The following NFIX variants were observed in gnomAD, a reference collection of about 807,000 sequenced individuals.
NFIX encodes nuclear factor 1 X-type.
In NFIX, 2 loss-of-function variants were observed where a neutral mutation model predicts 53.3. The observed-to-expected ratio is 0.04, with a 90% confidence interval of 0.02 to 0.12. The LOEUF is 0.12. Among genes scored for constraint, NFIX ranks in the 10% least tolerant of loss-of-function variants. NFIX has a pLI of 1.00. For synonymous variants in NFIX, 244 were observed against 289.0 expected (o/e 0.84, Z 1.58); for missense variants, 310 against 674.5 (o/e 0.46, Z 5.99).
At chr19:13,000,568 G>C (rs1221737467) in intron 1 of NFIX, among the ~76,000 whole-genome samples, 3 of 151,932 alleles carry the variant, frequency 2.0e-5, no homozygotes, top group Non-Finnish European at 4.4e-5. Context: ...GTGGGGGGCA[G>C]GAGGGGAGAG....
intron 2 of NFIX, among the ~76,000 whole-genome samples, chr19:13,065,593 C>T (rs966565750): frequency 6.6e-5 from 10 of 152,104 alleles, no homozygotes; most frequent in African/African-American, 2.4e-4. Context: ...CTGGAGTGGC[C>T]ATTGGCAGGT....
chr19:13,024,101 C>G, intron 1 of NFIX: 1 of 672,662 alleles, frequency 1.5e-6, no homozygotes, highest in South Asian at 2.2e-5. Flanking sequence ...AAACTTCAAA[C>G]AAGCAAACAA....
intron 1 of NFIX, among the ~76,000 whole-genome samples, chr19:13,010,261 C>G (rs2012262687): frequency 6.6e-6 from 1 of 152,194 alleles, no homozygotes; most frequent in Non-Finnish European, 1.5e-5. Context: ...TGGGTCCGGA[C>G]GGCGGCCCTC....
chr19:13,094,501 TG>T lies in NFIX; in HGVS notation c.1495-131del. 1 of 783,312 alleles carries T rather than the reference TG, an allele frequency of 1.3e-6. No individual in the cohort carries two copies. The allele number at this position is 783,312 out of a possible 1,614,324, so 48.5% of individuals were successfully genotyped here. A position where few individuals can be genotyped will look rare whatever the true frequency, so the allele number is the denominator to read the frequency against. The stretch of plus-strand genomic sequence containing the variant: ...CCCTTTCTTCTCCATGGGAACAAGG[TG>T]GGTGGTGGCTGCCCGGCACCCTGGC... On this transcript the variant is annotated intron_variant, in intron 10 of 10. Coordinates refer to ENST00000592199, the MANE Select transcript of NFIX (RefSeq NM_001365902.3). The surrounding 1 kb of genome is among the most constrained non-coding windows in gnomAD (Gnocchi z 4.3).
At chr19:13,017,207 G>A (rs960551296) in intron 1 of NFIX, among the ~76,000 whole-genome samples, 1 of 152,116 alleles carries the variant, frequency 6.6e-6, no homozygotes, top group African/African-American at 2.4e-5. Flanking sequence ...GGGACGGAGC[G>A]TGGCCGAGGG....
Position 13,047,216 on chromosome 19 carries a change from ATTC to A in NFIX, c.559+21667_559+21669del, listed in dbSNP as rs1309963652. Among the ~76,000 whole-genome samples the A allele has an allele frequency of 2.6e-5, 4 of 151,008 alleles. No individual in the cohort carries two copies. In the East Asian group the frequency reaches 7.8e-4, roughly 29 times the overall value. On this transcript the variant is annotated intron_variant, in intron 2 of 10. Transcript: ENST00000592199. ...GGTTCCTCTGCAAGACCACTCCCTT[ATTC>A]TTTTTTCTTTCTTTCTTTCTTTTTT...
rs57004342 is a variant in NFIX at position 13,040,398 on chromosome 19, G to T, written c.559+14846G>T. ...GTCTGCGGAGCAGCCAAACTCACTC[G>T]TGACAGGGTCTCTTCCCGTGCCAGA... On this transcript the variant is annotated intron_variant, in intron 2 of 10. Transcript: ENST00000592199. The surrounding 1 kb of genome is among the most constrained non-coding windows in gnomAD (Gnocchi z 4.2). 0.048 allele frequency among the ~76,000 whole-genome samples: 7,301 copies of T among 152,324 alleles called. 562 individuals are homozygous for T. Among genetic ancestry groups the T allele is most frequent in the African/African-American group, 0.16 (6,566 of 41,554 alleles).
Position 13,073,814 on chromosome 19 carries a change from C to T in NFIX, c.698-92C>T. On this transcript the variant is annotated intron_variant, in intron 4 of 10. Transcript: ENST00000592199. The surrounding 1 kb of genome is among the most constrained non-coding windows in gnomAD (Gnocchi z 4.5). ...CTCCTGGCCCCACAGTAAACTCACC[C>T]TGGGCTTCTGGGAAGCTGTTCATGA... 2 of 1,554,136 alleles carry T rather than the reference C, an allele frequency of 1.3e-6. No homozygotes were observed. The highest frequency in any genetic ancestry group is 3.4e-4 in the Middle Eastern group (2 of 5,940).
rs984866323 is a variant in NFIX at position 13,097,432 on chromosome 19, T to G, written c.*2783T>G. The G allele has an allele frequency of 6.6e-6, 1 of 152,670 alleles. No homozygotes were observed. The highest frequency in any genetic ancestry group is 1.5e-5 in the Non-Finnish European group (1 of 68,038). The allele number at this position is 152,670 out of a possible 1,614,324, so 9.5% of individuals were successfully genotyped here. ...GGTGCTTCTTACATTATAAAGTACGTTTTAAAGAACCCACAAACTATTATA... is the reference window on the plus strand; with the variant it reads ...GGTGCTTCTTACATTATAAAGTACGGTTTAAAGAACCCACAAACTATTATA... On this transcript the variant is annotated 3_prime_UTR_variant, in exon 11 of 11. Transcript: ENST00000592199.
In NFIX at chr19:13,037,811, G is replaced by T. The variant is rs370782396; in HGVS notation, c.559+12259G>T. Among the ~76,000 whole-genome samples, 41 of 152,208 alleles carry T rather than the reference G, an allele frequency of 2.7e-4. No homozygotes were observed. The highest frequency in any genetic ancestry group is 2.5e-3 in the East Asian group (13 of 5,172). On this transcript the variant is annotated intron_variant, in intron 2 of 10. Coordinates refer to ENST00000592199, the MANE Select transcript of NFIX (RefSeq NM_001365902.3). The surrounding 1 kb of genome is among the most constrained non-coding windows in gnomAD (Gnocchi z 4.2). ...GAACACTTTTGGTTGTCACAGTTGT[G>T]GGGGGAGGGTGCTATTGGAATCTAG...
chr19:13,070,217 CTCTA>C (rs969492090), intron 2 of NFIX: 4 of 152,346 alleles, frequency 2.6e-5, no homozygotes, highest in African/African-American at 7.2e-5. Context: ...AGCCTCCTTC[CTCTA>C]TCTATCCAAG....
chr19:12,995,652 G>T lies in NFIX; in HGVS notation c.-186G>T. The T allele has an allele frequency of 6.9e-6, 1 of 145,558 alleles. No homozygotes were observed. The highest frequency in any genetic ancestry group is 1.9e-4 in the South Asian group (1 of 5,370). The allele number at this position is 145,558 out of a possible 1,614,324, so 9.0% of individuals were successfully genotyped here. On this transcript the variant is annotated 5_prime_UTR_variant, in exon 1 of 11. Transcript: ENST00000592199. ...CGGCAGCGGCGGCCCCGGAGCCGGC[G>T]GGGCCGAGCTTGCGAGCGGCGAGCG...
chr19:13,048,280 C>T (rs567301796), intron 2 of NFIX, among the ~76,000 whole-genome samples: 4 of 152,280 alleles, frequency 2.6e-5, no homozygotes, highest in South Asian at 2.1e-4. Context: ...AGCTTGCCCC[C>T]GTATCCACAA....
Position 13,073,762 on chromosome 19 carries a change from C to A in NFIX, c.698-144C>A. The A allele has an allele frequency of 8.9e-7, 1 of 1,125,234 alleles. No homozygotes were observed. The highest frequency in any genetic ancestry group is 1.5e-5 in the South Asian group (1 of 67,346). 69.7% of individuals were successfully genotyped at this position (1,125,234 alleles called of 1,614,324 possible). On this transcript the variant is annotated intron_variant, in intron 4 of 10. Coordinates refer to ENST00000592199, the MANE Select transcript of NFIX (RefSeq NM_001365902.3). This position sits in a 1 kb window ranked among gnomAD's most constrained non-coding sequence, Gnocchi z 4.5. The stretch of plus-strand genomic sequence containing the variant: ...CACTAGCTGGGAGGAGGTTCCTCAG[C>A]AGCCCAGATGGCCCACTTTCTCCCA...
rs1380493686 is a variant in NFIX, at chr19:13,093,664, C to G, written c.1495-971C>G. Among the ~76,000 whole-genome samples, 1 of 152,216 alleles carries G rather than the reference C, an allele frequency of 6.6e-6. No individual in the cohort carries two copies. Among genetic ancestry groups the G allele is most frequent in the Non-Finnish European group, 1.5e-5 (1 of 68,034 alleles). On this transcript the variant is annotated intron_variant, in intron 10 of 10. Transcript: ENST00000592199. The surrounding 1 kb of genome is among the most constrained non-coding windows in gnomAD (Gnocchi z 4.7). ...GGAGTGAACCAGGACCTGGTATGTG[C>G]TCTGTAGTTGGCTCCGCCTGGCCCC...
In NFIX at chr19:13,014,680, A is replaced by G. The variant is rs548268921; in HGVS notation, c.28-10341A>G. Among the ~76,000 whole-genome samples the G allele has an allele frequency of 6.6e-6, 1 of 152,376 alleles. No homozygotes were observed. The highest frequency in any genetic ancestry group is 2.1e-4 in the South Asian group (1 of 4,834). ...GGCAACCCTGTGCCCTTGATAGAAG[A>G]GAGAGCTGCCCACTTGGGCTGGGCC... On this transcript the variant is annotated intron_variant, in intron 1 of 10. Transcript: ENST00000592199. The surrounding 1 kb of genome is among the most constrained non-coding windows in gnomAD (Gnocchi z 4.4).
At chr19:13,044,750 G>T (rs943872628) in intron 2 of NFIX, among the ~76,000 whole-genome samples, 2 of 152,128 alleles carry the variant, frequency 1.3e-5, no homozygotes, top group Non-Finnish European at 2.9e-5. Context: ...TAATCTACCT[G>T]TTAGTAAAAG....
At chr19:13,053,841 G>C (rs1035211844) in intron 2 of NFIX, among the ~76,000 whole-genome samples, 1 of 152,142 alleles carries the variant, frequency 6.6e-6, no homozygotes, top group Non-Finnish European at 1.5e-5. Context: ...ACAGACAGGA[G>C]GGGGTGGTGT....
intron 1 of NFIX, among the ~76,000 whole-genome samples, chr19:13,019,747 T>TA (rs1373057745): frequency 6.8e-6 from 1 of 147,188 alleles, no homozygotes; most frequent in Non-Finnish European, 1.5e-5. Context: ...TTTTTTTTTT[T>TA]ACCAAATAGT....
Sources: allele counts gnomAD v4.1 joint callset (sites outside exome capture counted in the v4.1 genomes callset), GRCh38; gene constraint gnomAD v4.1.1; non-coding constraint Gnocchi (gnomAD v3.1); transcripts MANE v1.5; gene names NCBI Gene and HGNC (gene_info 2026-07-23, HGNC 2026-07-21).